Variants in RAB3C observed in about 807,000 individuals in gnomAD.
RAB3C encodes the protein RAB3C, member RAS oncogene family, also known as ras-related protein Rab-3C.
A neutral mutation model predicts 26.4 loss-of-function variants in RAB3C; 17 were observed. The observed-to-expected ratio is 0.64, with a 90% confidence interval of 0.44 to 0.97. The LOEUF (loss-of-function observed/expected upper bound fraction) is 0.97, where lower values mean the gene tolerates loss of function less well. RAB3C is among the 50% of genes least tolerant of loss of function. The probability of loss-of-function intolerance (pLI) is 0.00; values close to 1 mark genes in which losing one functional copy is unlikely to be tolerated. For synonymous variants in RAB3C, 91 were observed against 95.9 expected (o/e 0.95, Z 0.30); for missense variants, 242 against 281.9 (o/e 0.86, Z 1.01).
rs565574958 is a variant in RAB3C at position 58,661,010 on chromosome 5, G to T, written c.252+43140G>T. ...CTCACACAGAGAGGTATGCAGACAAGCTTGATTAACACGGACTCTATCAAA... is the reference window on the plus strand; with the variant it reads ...CTCACACAGAGAGGTATGCAGACAATCTTGATTAACACGGACTCTATCAAA... On this transcript the variant is annotated intron_variant, in intron 2 of 4. Coordinates refer to ENST00000282878, the MANE Select transcript of RAB3C (RefSeq NM_138453.4). Among the ~76,000 whole-genome samples, 31 of 150,054 alleles carry T rather than the reference G, an allele frequency of 2.1e-4. No individual in the cohort carries two copies. The South Asian group carries it at 5.2e-3, about 25-fold the overall frequency.
chr5:58,794,224 T>G (rs187417508), intron 3 of RAB3C: 1 of 152,058 alleles, frequency 6.6e-6, no homozygotes, highest in East Asian at 1.9e-4. Flanking sequence ...CTGTTTTCTC[T>G]ACTTAAATAA....
At chr5:58,762,311 T>C (rs1373302471) in intron 3 of RAB3C, among the ~76,000 whole-genome samples, 2 of 152,180 alleles carry the variant, frequency 1.3e-5, no homozygotes, top group East Asian at 3.9e-4. Flanking sequence ...TGTTACTTCC[T>C]GTTAGTATCA....
At chr5:58,659,017 T>TG (rs1358945063) in intron 2 of RAB3C, among the ~76,000 whole-genome samples, 1 of 152,244 alleles carries the variant, frequency 6.6e-6, no homozygotes. Context: ...ACAGGAGAGA[T>TG]GGGAGAAGCC....
At chr5:58,738,325 T>C (rs1305035343) in intron 3 of RAB3C, among the ~76,000 whole-genome samples, 1 of 152,210 alleles carries the variant, frequency 6.6e-6, no homozygotes, top group African/African-American at 2.4e-5. Context: ...GATGTCTTAG[T>C]TAAGCATTTT....
intron 4 of RAB3C, among the ~76,000 whole-genome samples, chr5:58,830,863 G>T (rs1198211849): frequency 7.2e-6 from 1 of 138,796 alleles, no homozygotes; most frequent in Non-Finnish European, 1.6e-5. Context: ...GGACAATCTT[G>T]AGTCACGCAA....
intron 2 of RAB3C, among the ~76,000 whole-genome samples, chr5:58,693,347 T>TATATATATAC (rs1748617388): frequency 1.5e-5 from 2 of 137,850 alleles, no homozygotes; most frequent in African/African-American, 5.9e-5. Flanking sequence ...TATATATATA[T>TATATATATAC]ATATATATAT....
At chr5:58,669,803 G>T (rs1206769373) in intron 2 of RAB3C, among the ~76,000 whole-genome samples, 1 of 152,138 alleles carries the variant, frequency 6.6e-6, no homozygotes, top group Non-Finnish European at 1.5e-5. Context: ...AATCCTAAAT[G>T]CAGGCAAGAC....
chr5:58,672,206 T>A (rs1748133182), intron 2 of RAB3C, among the ~76,000 whole-genome samples: 1 of 152,192 alleles, frequency 6.6e-6, no homozygotes, highest in African/African-American at 2.4e-5. Context: ...AGGAGTATGA[T>A]GTCTCTCTTT....
chr5:58,840,407 C>T (rs1050601103), intron 4 of RAB3C, among the ~76,000 whole-genome samples: 1 of 152,042 alleles, frequency 6.6e-6, no homozygotes, highest in Admixed American at 6.5e-5. Context: ...TGCCTATATT[C>T]TCTTGTATCT....
chr5:58,694,335 G>A (rs2111865533), intron 2 of RAB3C, among the ~76,000 whole-genome samples: 1 of 152,234 alleles, frequency 6.6e-6, no homozygotes, highest in South Asian at 2.1e-4. Flanking sequence ...GTCTATCATT[G>A]ATGGACATTT....
rs1252310842 is a variant in RAB3C, at chr5:58,858,276, G to A, written c.*6925G>A. On this transcript the variant is annotated 3_prime_UTR_variant, in exon 5 of 5. Coordinates refer to ENST00000282878, the MANE Select transcript of RAB3C (RefSeq NM_138453.4). ...TCAAAATCCACTGAAGAAGTCAAGT[G>A]AAGGTGGGTAAAATAGGGAGATTAG... is the stretch of plus-strand genomic sequence containing the variant. 2.6e-5 allele frequency: 4 copies of A among 152,204 alleles called. No homozygotes were observed. Among genetic ancestry groups the A allele is most frequent in the Non-Finnish European group, 5.9e-5 (4 of 68,044 alleles). 9.4% of individuals were successfully genotyped at this position (152,204 alleles called of 1,614,324 possible).
chr5:58,754,625 A>G (rs1012654698), intron 3 of RAB3C, among the ~76,000 whole-genome samples: 1 of 152,336 alleles, frequency 6.6e-6, no homozygotes, highest in South Asian at 2.1e-4. Context: ...AAGTATAGAC[A>G]GGACAAAAAC....
chr5:58,820,635 C>G (rs6450493), intron 3 of RAB3C, among the ~76,000 whole-genome samples: 16,952 of 152,182 alleles, frequency 0.11, 1,168 homozygotes, highest in African/African-American at 0.19. Flanking sequence ...CTTTGGCTCT[C>G]TAAGATTTCA....
intron 1 of RAB3C, 144 bp from the exon 2 acceptor site, chr5:58,617,499 A>C (rs748612448): frequency 3.8e-6 from 3 of 784,352 alleles, no homozygotes; most frequent in Non-Finnish European, 7.0e-6. Context: ...TCAGAGGAAG[A>C]CTGGGGAGCA....
chr5:58,676,675 C>T (rs1748235085), intron 2 of RAB3C, among the ~76,000 whole-genome samples: 1 of 152,040 alleles, frequency 6.6e-6, no homozygotes, highest in South Asian at 2.1e-4. Context: ...CATTGATGAC[C>T]TGGCAGCTTC....
rs1040403868 is a variant in RAB3C, at chr5:58,588,264, T to C, written c.24+5032T>C. Reference sequence around the variant, plus strand: ...AATAAATGGTAAGTATATATTAAGCTTTATAAGAAACAATCAAATCTTTTG... The same window carrying C: ...AATAAATGGTAAGTATATATTAAGCCTTATAAGAAACAATCAAATCTTTTG... On this transcript the variant is annotated intron_variant, in intron 1 of 4. Transcript: ENST00000282878. 2.6e-5 allele frequency among the ~76,000 whole-genome samples: 4 copies of C among 152,138 alleles called. No individual in the cohort carries two copies. In the South Asian group the frequency reaches 8.3e-4, roughly 31 times the overall value.
chr5:58,617,917 C>T (rs981699715), intron 2 of RAB3C, 47 bp downstream of exon 2: 9 of 1,221,900 alleles, frequency 7.4e-6, no homozygotes, highest in Non-Finnish European at 1.1e-5. Flanking sequence ...GGGTGTTGAA[C>T]ATATCCATTT....
At chr5:58,714,617 A>G (rs957327545) in intron 2 of RAB3C, among the ~76,000 whole-genome samples, 13 of 152,156 alleles carry the variant, frequency 8.5e-5, no homozygotes, top group African/African-American at 3.1e-4. Context: ...GTAGTTTAAA[A>G]TATAAAACAT....
chr5:58,615,074 A>T (rs1417317380), intron 1 of RAB3C, among the ~76,000 whole-genome samples: 4 of 152,094 alleles, frequency 2.6e-5, no homozygotes, highest in Non-Finnish European at 5.9e-5. Flanking sequence ...ACTGGAATCA[A>T]CCCCTATAGA....
Sources: gnomAD v4.1 joint callset for allele counts (sites outside exome capture counted in the v4.1 genomes callset) on GRCh38, gnomAD v4.1.1 for gene constraint, MANE v1.5 for transcripts, NCBI Gene and HGNC (gene_info 2026-07-23, HGNC 2026-07-21) for gene names.